The following RTTN variants were observed in gnomAD, a reference collection of about 807,000 sequenced individuals.
The protein encoded by RTTN is rotatin.
Under a neutral mutation model 269.2 loss-of-function variants are expected in RTTN, and 182 were observed. The observed-to-expected ratio is 0.68, with a 90% CI of 0.60 to 0.76. The LOEUF (loss-of-function observed/expected upper bound fraction) is 0.76, where lower values mean the gene tolerates loss of function less well. Ranked by LOEUF, RTTN falls within the 30% of genes least tolerant of loss-of-function variation. The pLI is 0.00. For synonymous variants in RTTN, 1,006 were observed against 963.5 expected (o/e 1.04, Z -0.82); for missense variants, 2,545 against 2,608.6 (o/e 0.98, Z 0.53).
chr18:70,108,631 C>T (rs1250780809), intron 28 of RTTN, among the ~76,000 whole-genome samples: 8 of 151,898 alleles, frequency 5.3e-5, no homozygotes, highest in Non-Finnish European at 7.4e-5. Context: ...AATTGAGAAA[C>T]GAAATCCACT....
intron 5 of RTTN, among the ~76,000 whole-genome samples, chr18:70,198,095 A>ATAATC (rs1338790713): frequency 1.3e-5 from 2 of 152,262 alleles, no homozygotes; most frequent in Non-Finnish European, 2.9e-5. Context: ...AATCTGCCAA[A>ATAATC]TAAATTAAGA....
At position 70,020,437 on chromosome 18, in the gene RTTN, G is replaced by C. The variant is rs868687664; in HGVS notation, c.6153+178C>G. On this transcript the variant is annotated intron_variant, in intron 45 of 48. Coordinates refer to ENST00000640769, the MANE Select transcript of RTTN (RefSeq NM_173630.4). ...ACTCTACTCTAGCTCCTGTCCTTCTGCACGTGTCATCTATCAACTGGCTTT... is the reference window on the plus strand; with the variant it reads ...ACTCTACTCTAGCTCCTGTCCTTCTCCACGTGTCATCTATCAACTGGCTTT... Among the ~76,000 whole-genome samples, 42 of 152,168 alleles carry C rather than the reference G, an allele frequency of 2.8e-4. 1 individual carries two copies. Among genetic ancestry groups the C allele is most frequent in the Admixed American group, 2.6e-4 (4 of 15,270 alleles).
At position 70,190,585 on chromosome 18, in the gene RTTN, T is replaced by C; in HGVS notation, c.1142A>G (p.Gln381Arg). 2 of 1,613,856 alleles carry C rather than the reference T, an allele frequency of 1.2e-6. No homozygotes were observed. Among genetic ancestry groups the C allele is most frequent in the Non-Finnish European group, 1.7e-6 (2 of 1,179,762 alleles). The change falls in exon 9 of 49, where the codon CAG (glutamine) becomes CGG (arginine). Residue 381 changes from glutamine to arginine, a missense_variant. Physicochemically the swap from Gln to Arg is conservative, Grantham distance 43. Transcript: ENST00000640769. Reference protein sequence around the residue: ...ELQFQQLSLPQFCVSILESAV... With the variant: ...ELQFQQLSLPRFCVSILESAV... Reference sequence around the variant, plus strand: ...TGATTCCAGAATGGAGACACAAAACTGGGGAAGACTGAGCTGCTGGAATTG... The same window carrying C: ...TGATTCCAGAATGGAGACACAAAACCGGGGAAGACTGAGCTGCTGGAATTG...
At chr18:70,188,246 G>C (rs779034234) in intron 9 of RTTN, 23 bp from the exon 10 acceptor site, 1 of 1,312,958 alleles carries the variant, frequency 7.6e-7, no homozygotes, top group Non-Finnish European at 1.1e-6. Flanking sequence ...ACAGAAAAAA[G>C]TAAAGGAGAA....
At chr18:70,027,613 C>A (rs569423835) in intron 43 of RTTN, among the ~76,000 whole-genome samples, 2 of 152,098 alleles carry the variant, frequency 1.3e-5, no homozygotes, top group South Asian at 4.1e-4. Context: ...ATTAACTGCA[C>A]ATACACATGA....
chr18:70,158,415 G>A (rs374852019), intron 14 of RTTN, among the ~76,000 whole-genome samples: 11 of 152,114 alleles, frequency 7.2e-5, no homozygotes, highest in African/African-American at 1.9e-4. Flanking sequence ...TCATTACCAT[G>A]AGACCTGACT....
At chr18:70,047,765 T>A (rs2057532231) in intron 40 of RTTN, among the ~76,000 whole-genome samples, 1 of 152,218 alleles carries the variant, frequency 6.6e-6, no homozygotes, top group Non-Finnish European at 1.5e-5. Context: ...TCATATTCAC[T>A]GAAGAAACTG....
chr18:70,082,639 G>A (rs181667025), intron 32 of RTTN, among the ~76,000 whole-genome samples: 3 of 152,246 alleles, frequency 2.0e-5, no homozygotes, highest in South Asian at 2.1e-4. Context: ...ATACAGTTTC[G>A]TGTCAACTGA....
chr18:70,113,269 G>C (rs1161998860), intron 27 of RTTN, among the ~76,000 whole-genome samples: 1 of 152,090 alleles, frequency 6.6e-6, no homozygotes, highest in Non-Finnish European at 1.5e-5. Flanking sequence ...CTCCGAAGAA[G>C]ATACACAAAT....
chr18:70,168,719 G>A (rs1441370483), intron 12 of RTTN, 136 bp downstream of exon 12: 3 of 628,326 alleles, frequency 4.8e-6, no homozygotes, highest in Non-Finnish European at 8.2e-6. Flanking sequence ...AACAGGTTAT[G>A]TATAATTGAC....
At chr18:70,193,198 GACA>G in intron 8 of RTTN, 87 bp downstream of exon 8, 3 of 1,078,392 alleles carry the variant, frequency 2.8e-6, no homozygotes, top group Non-Finnish European at 2.6e-6. Flanking sequence ...AAAAAAAAAG[GACA>G]GAAAAATAAT....
intron 18 of RTTN, among the ~76,000 whole-genome samples, chr18:70,143,427 G>A (rs778985216): frequency 2.0e-5 from 3 of 152,146 alleles, no homozygotes; most frequent in Admixed American, 6.6e-5. Flanking sequence ...AAAAAAGGAC[G>A]AGATCATGTC....
intron 25 of RTTN, among the ~76,000 whole-genome samples, 193 bp from the exon 26 acceptor site, chr18:70,121,893 A>G (rs1269695640): frequency 4.6e-5 from 7 of 152,220 alleles, no homozygotes; most frequent in Non-Finnish European, 8.8e-5. Flanking sequence ...CTTATAGTGG[A>G]AAAAACATGT....
intron 23 of RTTN, among the ~76,000 whole-genome samples, chr18:70,132,907 A>G (rs2060032806): frequency 6.6e-6 from 1 of 152,132 alleles, no homozygotes; most frequent in Non-Finnish European, 1.5e-5. Flanking sequence ...CAAACATGAT[A>G]TTGAGGTAAC....
chr18:70,204,329 A>G lies in RTTN; in HGVS notation c.220-66T>C, dbSNP rs1600101306. 3.5e-6 allele frequency: 5 copies of G among 1,427,732 alleles called. No individual in the cohort carries two copies. In the East Asian group the frequency reaches 1.2e-4, roughly 33 times the overall value. The allele number at this position is 1,427,732 out of a possible 1,614,324, so 88.4% of individuals were successfully genotyped here. ...AAATCTCTATAACTTACAGCAATCA[A>G]AACATAAAATTATTTTTGGTATATC... On this transcript the variant is annotated intron_variant, in intron 2 of 48. Coordinates refer to ENST00000640769, the MANE Select transcript of RTTN (RefSeq NM_173630.4).
At chr18:70,032,381 C>G (rs2057041621) in intron 40 of RTTN, among the ~76,000 whole-genome samples, 1 of 152,194 alleles carries the variant, frequency 6.6e-6, no homozygotes, top group South Asian at 2.1e-4. Context: ...TGGACACGCA[C>G]CAGCATTCTT....
intron 18 of RTTN, among the ~76,000 whole-genome samples, chr18:70,144,033 G>A (rs185870752): frequency 1.3e-5 from 2 of 151,958 alleles, no homozygotes; most frequent in African/African-American, 4.8e-5. Flanking sequence ...CTAATTTTTT[G>A]TATTTTTAGT....
At chr18:70,107,766 C>T (rs2059359117) in intron 28 of RTTN, among the ~76,000 whole-genome samples, 1 of 151,992 alleles carries the variant, frequency 6.6e-6, no homozygotes, top group Non-Finnish European at 1.5e-5. Context: ...AAAGATAAAC[C>T]AAGAAAAATT....
At chr18:70,141,874 A>T (rs2060266106) in intron 19 of RTTN, among the ~76,000 whole-genome samples, 1 of 152,210 alleles carries the variant, frequency 6.6e-6, no homozygotes, top group Non-Finnish European at 1.5e-5. Flanking sequence ...CCTAAGCAAG[A>T]TGGTACAGAT....
Sources: gnomAD v4.1 joint callset for allele counts (sites outside exome capture counted in the v4.1 genomes callset) on GRCh38, gnomAD v4.1.1 for gene constraint, MANE v1.5 for transcripts, NCBI Gene and HGNC (gene_info 2026-07-23, HGNC 2026-07-21) for gene names.